The following AKT3 variants were observed in gnomAD, a reference collection of about 807,000 sequenced individuals.
The protein encoded by AKT3 is RAC-gamma serine/threonine-protein kinase.
AKT3 carries 15 observed loss-of-function variants against 65.3 expected under a neutral mutation model. The observed-to-expected ratio is 0.23, with a 90% CI of 0.15 to 0.35. The LOEUF (loss-of-function observed/expected upper bound fraction) is 0.35. Ranked by LOEUF, AKT3 falls within the 10% of genes least tolerant of loss-of-function variation. The probability of loss-of-function intolerance (pLI) is 1.00; values close to 1 mark genes in which losing one functional copy is unlikely to be tolerated. For synonymous variants in AKT3, 206 were observed against 183.8 expected, an observed-to-expected ratio of 1.12 and a Z score of -0.98; for missense variants, 243 against 576.5, an observed-to-expected ratio of 0.42 and a Z score of 5.92.
chr1:243,794,851 G>A (rs1572360488), intron 2 of AKT3, among the ~76,000 whole-genome samples: 1 of 152,138 alleles, frequency 6.6e-6, no homozygotes, highest in South Asian at 2.1e-4. Flanking sequence ...CACACCATAG[G>A]ACTTTCTGCT....
chr1:243,598,723 C>A (rs1676805584), intron 8 of AKT3, among the ~76,000 whole-genome samples: 1 of 152,206 alleles, frequency 6.6e-6, no homozygotes, highest in Non-Finnish European at 1.5e-5. Context: ...CCTAACACTA[C>A]TTCCTCAAAG....
intron 8 of AKT3, among the ~76,000 whole-genome samples, chr1:243,584,864 C>A (rs867658430): frequency 3.3e-5 from 5 of 152,278 alleles, no homozygotes; most frequent in Non-Finnish European, 5.9e-5. Flanking sequence ...CCTCTCACCA[C>A]TCCTAGTCAA....
chr1:243,575,346 G>A (rs1420381385), intron 8 of AKT3, among the ~76,000 whole-genome samples: 1 of 152,134 alleles, frequency 6.6e-6, no homozygotes, highest in East Asian at 1.9e-4. Flanking sequence ...TAAAGTCACT[G>A]CTGGGCACTG....
chr1:243,808,777 A>T (rs1459407620), intron 2 of AKT3, among the ~76,000 whole-genome samples: 1 of 152,214 alleles, frequency 6.6e-6, no homozygotes, highest in Non-Finnish European at 1.5e-5. Context: ...GGGCAGCCAG[A>T]GAGAAAGGTC....
chr1:243,608,450 C>T (rs771573826), intron 8 of AKT3, among the ~76,000 whole-genome samples: 19 of 152,088 alleles, frequency 1.2e-4, no homozygotes, highest in Non-Finnish European at 1.8e-4. Flanking sequence ...GTTATTTCAG[C>T]GAGGCCACTA....
rs915264438 is a variant in AKT3, at chr1:243,789,518, C to T, written c.46+53607G>A. Among the ~76,000 whole-genome samples the T allele has an allele frequency of 5.4e-4, 83 of 152,336 alleles. 1 individual carries two copies. The highest frequency in any genetic ancestry group is 1.9e-3 in the African/African-American group (78 of 41,592). ...ATTCTAGTTCTCTTGCTATTTCTAC[C>T]ACATCTGCAGTTACTTTCTTCTTTG... On this transcript the variant is annotated intron_variant, in intron 2 of 13. Coordinates refer to ENST00000673466, the MANE Select transcript of AKT3 (RefSeq NM_005465.7).
At chr1:243,580,330 G>C (rs556768722) in intron 8 of AKT3, among the ~76,000 whole-genome samples, 3 of 152,140 alleles carry the variant, frequency 2.0e-5, no homozygotes, top group African/African-American at 7.2e-5. Context: ...CTAGGCCAAG[G>C]GAGAGCACTT....
chr1:243,821,978 A>C (rs188907630), intron 2 of AKT3, among the ~76,000 whole-genome samples: 19 of 152,316 alleles, frequency 1.2e-4, no homozygotes, highest in African/African-American at 3.6e-4. Context: ...CAGAATATAC[A>C]TTCTTCTTGG....
Position 243,713,746 on chromosome 1 carries a change from TAAAAAA to T in AKT3, c.47-18036_47-18031del, listed in dbSNP as rs572960154. Among the ~76,000 whole-genome samples, 20 of 82,978 alleles carry T rather than the reference TAAAAAA, an allele frequency of 2.4e-4. No homozygotes were observed. In the South Asian group the frequency reaches 4.1e-3, roughly 17 times the overall value. The allele number at this position is 82,978 out of a possible 152,430, so 54.4% of individuals were successfully genotyped here. A position where few individuals can be genotyped will look rare whatever the true frequency, so the allele number is the denominator to read the frequency against. Reference sequence around the variant, plus strand: ...TCGCTACAAGGCTGCTTTGCCTTAATAAAAAAAAAAAAAAAAAAAAAAAAAAAATCC... The same window carrying T: ...TCGCTACAAGGCTGCTTTGCCTTAATAAAAAAAAAAAAAAAAAAAAAATCC... On this transcript the variant is annotated intron_variant, in intron 2 of 13. Coordinates refer to ENST00000673466, the MANE Select transcript of AKT3 (RefSeq NM_005465.7).
intron 8 of AKT3, among the ~76,000 whole-genome samples, chr1:243,582,309 C>A (rs1675423171): frequency 6.6e-6 from 1 of 150,992 alleles, no homozygotes; most frequent in Non-Finnish European, 1.5e-5. Flanking sequence ...TGTCCAAGGT[C>A]AACACTAAAG....
chr1:243,660,461 A>G (rs1682215833), intron 4 of AKT3, among the ~76,000 whole-genome samples: 1 of 152,240 alleles, frequency 6.6e-6, no homozygotes, highest in Non-Finnish European at 1.5e-5. Flanking sequence ...GAAAAAAACC[A>G]CATGATTATC....
rs140025348 is a variant in AKT3 at position 243,535,923 on chromosome 1, G to T, written c.1251+9587C>A. On this transcript the variant is annotated intron_variant, in intron 12 of 13. Coordinates refer to ENST00000673466, the MANE Select transcript of AKT3 (RefSeq NM_005465.7). ...TTTTTTAAAATGACCATTCTGATTG[G>T]GGTAAAATGGTATCTCACTGTGGTT... 3.3e-3 allele frequency among the ~76,000 whole-genome samples: 499 copies of T among 152,146 alleles called. 4 individuals carry two copies. Among genetic ancestry groups the T allele is most frequent in the African/African-American group, 0.012 (495 of 41,526 alleles).
chr1:243,662,967 A>G (rs924120335), intron 4 of AKT3, among the ~76,000 whole-genome samples: 2 of 152,228 alleles, frequency 1.3e-5, no homozygotes, highest in Non-Finnish European at 2.9e-5. Context: ...AGCTTTGTAA[A>G]CACAAATGGC....
chr1:243,528,345 T>A (rs943105900), intron 12 of AKT3, among the ~76,000 whole-genome samples: 1 of 152,134 alleles, frequency 6.6e-6, no homozygotes, highest in Non-Finnish European at 1.5e-5. Context: ...TTAGGTTGAG[T>A]GGCACACACG....
chr1:243,616,307 T>TAAAAAAAAAAAAA (rs57576796), intron 6 of AKT3, among the ~76,000 whole-genome samples: 4 of 66,770 alleles, frequency 6.0e-5, no homozygotes, highest in African/African-American at 2.3e-4. Flanking sequence ...GTGCTTTTCT[T>TAAAAAAAAAAAAA]AAAAAAAAAA....
chr1:243,571,295 G>A (rs200303343), intron 9 of AKT3, among the ~76,000 whole-genome samples: 3 of 152,112 alleles, frequency 2.0e-5, no homozygotes, highest in Admixed American at 6.6e-5. Flanking sequence ...CCAGCCTGGC[G>A]ACAGAGCGAG....
chr1:243,770,714 C>A (rs1255410271), intron 2 of AKT3, among the ~76,000 whole-genome samples: 2 of 149,262 alleles, frequency 1.3e-5, no homozygotes, highest in African/African-American at 2.5e-5. Flanking sequence ...CACTTTTAAG[C>A]CTGGAGATTA....
intron 8 of AKT3, among the ~76,000 whole-genome samples, chr1:243,613,294 G>C (rs1263654437): frequency 6.6e-6 from 1 of 151,280 alleles, no homozygotes; most frequent in Non-Finnish European, 1.5e-5. Flanking sequence ...AGTTTAGAAT[G>C]GGTAAAATAA....
At position 243,532,411 on chromosome 1, in the gene AKT3, A is replaced by C. The variant is rs142778289; in HGVS notation, c.1251+13099T>G. Among the ~76,000 whole-genome samples the C allele has an allele frequency of 4.2e-3, 647 of 152,258 alleles. 5 individuals are homozygous for C. Among genetic ancestry groups the C allele is most frequent in the African/African-American group, 0.015 (624 of 41,544 alleles). On this transcript the variant is annotated intron_variant, in intron 12 of 13. Coordinates refer to ENST00000673466, the MANE Select transcript of AKT3 (RefSeq NM_005465.7). ...TGTCAAATGCTGCCCATCAGTTGAA[A>C]TGATCATGCAAGTTTTCTCCTTCAT...
Sources: gnomAD v4.1 joint callset for allele counts (sites outside exome capture counted in the v4.1 genomes callset) on GRCh38, gnomAD v4.1.1 for gene constraint, MANE v1.5 for transcripts, NCBI Gene and HGNC (gene_info 2026-07-23, HGNC 2026-07-21) for gene names.